Variants in UNC13C observed in about 807,000 individuals in gnomAD.
UNC13C encodes protein unc-13 homolog C.
A neutral mutation model predicts 245.4 loss-of-function variants in UNC13C; 174 were observed. The ratio of observed to expected loss-of-function variants is 0.71; its 90% CI spans 0.63 to 0.80. UNC13C has a LOEUF of 0.80. UNC13C is among the 30% of genes least tolerant of loss of function. UNC13C has a pLI of 0.00. For missense variants in UNC13C, 2,829 were observed against 2,602.9 expected, an observed-to-expected ratio of 1.09 and a Z score of -1.89; for synonymous variants, 992 against 895.1, an observed-to-expected ratio of 1.11 and a Z score of -1.93.
intron 2 of UNC13C, among the ~76,000 whole-genome samples, chr15:54,026,551 A>G (rs918111840): frequency 2.0e-5 from 3 of 152,260 alleles, no homozygotes; most frequent in Non-Finnish European, 4.4e-5. Context: ...TATTAAAGAC[A>G]TAGATTCCTT....
chr15:54,032,926 C>T (rs1005781078), intron 2 of UNC13C, among the ~76,000 whole-genome samples: 2 of 152,070 alleles, frequency 1.3e-5, no homozygotes, highest in African/African-American at 4.8e-5. Flanking sequence ...TAAGTGGGAG[C>T]TAATCTATGA....
At chr15:54,369,773 C>T (rs967534467) in intron 17 of UNC13C, among the ~76,000 whole-genome samples, 20 of 152,068 alleles carry the variant, frequency 1.3e-4, no homozygotes, top group African/African-American at 4.6e-4. Flanking sequence ...CTATAAAGGG[C>T]TTGTAATAGT....
At chr15:54,005,379 G>A (rs753604336) in intron 1 of UNC13C, among the ~76,000 whole-genome samples, 3 of 152,256 alleles carry the variant, frequency 2.0e-5, no homozygotes, top group South Asian at 2.1e-4. Context: ...AACCGGTCAC[G>A]TTGGTTGCAA....
chr15:53,992,508 A>T (rs188319940), intron 1 of UNC13C, among the ~76,000 whole-genome samples: 1 of 152,168 alleles, frequency 6.6e-6, no homozygotes, highest in African/African-American at 2.4e-5. Flanking sequence ...AACAAGAAGG[A>T]GAGGGTGACT....
At chr15:54,201,040 A>G (rs922317601) in intron 4 of UNC13C, among the ~76,000 whole-genome samples, 1 of 152,032 alleles carries the variant, frequency 6.6e-6, no homozygotes. Flanking sequence ...GAACACCTTT[A>G]TGCACATAAA....
intron 17 of UNC13C, among the ~76,000 whole-genome samples, chr15:54,389,189 C>T (rs746734125): frequency 6.6e-6 from 1 of 152,104 alleles, no homozygotes; most frequent in Non-Finnish European, 1.5e-5. Flanking sequence ...AAGTCTGGCA[C>T]GATGAGATGG....
chr15:54,380,878 A>G (rs2039709465), intron 17 of UNC13C, among the ~76,000 whole-genome samples: 1 of 152,170 alleles, frequency 6.6e-6, no homozygotes, highest in South Asian at 2.1e-4. Flanking sequence ...TCAAATGTAT[A>G]GATGGCAAAT....
At chr15:53,962,239 T>C in the UNC13C span, among the ~76,000 whole-genome samples, 8 of 152,164 alleles carry the variant, frequency 5.3e-5, no homozygotes, top group Non-Finnish European at 1.0e-4. Flanking sequence ...TTACAGAATA[T>C]CATTTTTCAT....
chr15:54,026,597 C>A (rs1447080644), intron 2 of UNC13C, among the ~76,000 whole-genome samples: 2 of 152,020 alleles, frequency 1.3e-5, no homozygotes, highest in Non-Finnish European at 2.9e-5. Context: ...GTAGGGAAAC[C>A]CATGGATCAC....
the UNC13C span, among the ~76,000 whole-genome samples, chr15:53,946,905 T>C: frequency 6.6e-6 from 1 of 152,142 alleles, no homozygotes; most frequent in Admixed American, 6.5e-5. Flanking sequence ...GCAAGTATTT[T>C]GTTGAGGATT....
the UNC13C span, among the ~76,000 whole-genome samples, chr15:53,932,051 C>T: frequency 6.6e-6 from 1 of 152,076 alleles, no homozygotes. Context: ...TGGCTCACCC[C>T]TGTAATCCCA....
rs553887210 is a variant in UNC13C at position 54,111,957 on chromosome 15, G to T, written c.2984-31061G>T. On this transcript the variant is annotated intron_variant, in intron 2 of 32. Coordinates refer to ENST00000260323, the MANE Select transcript of UNC13C (RefSeq NM_001080534.3). ...TTATAGAGAACCTTTTGCCACAGAG[G>T]TTGAGGCTAGGATGCAACAATGGTG... Among the ~76,000 whole-genome samples the T allele has an allele frequency of 2.6e-5, 4 of 152,298 alleles. No homozygotes were observed. The South Asian group carries it at 8.3e-4, about 32-fold the overall frequency.
At chr15:53,894,663 A>G in the UNC13C span, among the ~76,000 whole-genome samples, 2 of 152,196 alleles carry the variant, frequency 1.3e-5, no homozygotes, top group South Asian at 2.1e-4. Context: ...TCTTGCTATT[A>G]TGGAAATAGA....
At chr15:54,009,418 T>G (rs140386405) in intron 1 of UNC13C, among the ~76,000 whole-genome samples, 1 of 152,336 alleles carries the variant, frequency 6.6e-6, no homozygotes, top group African/African-American at 2.4e-5. Context: ...TTCTAGACAT[T>G]GCTCCAAAAA....
intron 2 of UNC13C, among the ~76,000 whole-genome samples, chr15:54,127,016 C>G (rs1282713774): frequency 6.6e-6 from 1 of 152,168 alleles, no homozygotes; most frequent in Non-Finnish European, 1.5e-5. Context: ...TACCATCTCA[C>G]ACCAGTTAGA....
At chr15:53,932,300 C>T in the UNC13C span, among the ~76,000 whole-genome samples, 3 of 125,418 alleles carry the variant, frequency 2.4e-5, no homozygotes, top group Non-Finnish European at 3.3e-5. Context: ...AGTGAGACTC[C>T]ATCTCAAAAA....
At chr15:54,420,624 T>C (rs566345141) in intron 19 of UNC13C, among the ~76,000 whole-genome samples, 1 of 152,078 alleles carries the variant, frequency 6.6e-6, no homozygotes, top group East Asian at 2.0e-4. Context: ...ATATTCTTAT[T>C]TTAGGTCAGG....
chr15:54,248,011 T>C (rs1233091551), intron 7 of UNC13C, among the ~76,000 whole-genome samples: 1 of 152,120 alleles, frequency 6.6e-6, no homozygotes, highest in Non-Finnish European at 1.5e-5. Context: ...AAAGTGGACA[T>C]AGGGAATTAG....
intron 7 of UNC13C, among the ~76,000 whole-genome samples, chr15:54,245,411 A>G (rs2035965566): frequency 6.6e-6 from 1 of 152,140 alleles, no homozygotes; most frequent in South Asian, 2.1e-4. Flanking sequence ...GTTAATTTAT[A>G]TCTGTTATAA....
Sources: gnomAD v4.1 joint callset for allele counts (sites outside exome capture counted in the v4.1 genomes callset) on GRCh38, gnomAD v4.1.1 for gene constraint, MANE v1.5 for transcripts, NCBI Gene and HGNC (gene_info 2026-07-23, HGNC 2026-07-21) for gene names.